The following NAT10 variants were observed in gnomAD, a reference collection of about 807,000 sequenced individuals.
The protein encoded by NAT10 is RNA cytidine acetyltransferase.
In NAT10, 109 loss-of-function variants were observed where a neutral mutation model predicts 132.2. The ratio of observed to expected loss-of-function variants is 0.82; its 90% CI spans 0.71 to 0.97. The LOEUF (loss-of-function observed/expected upper bound fraction) is 0.97. NAT10 is among the 50% of genes least tolerant of loss of function. The pLI, the probability that NAT10 is intolerant of heterozygous loss-of-function variation, is 0.00. For missense variants in NAT10, 1,184 were observed against 1,263.4 expected (o/e 0.94, Z 0.95); for synonymous variants, 479 against 478.0 (o/e 1.00, Z -0.03).
chr11:34,142,549 C>T lies in NAT10; in HGVS notation c.2885+201C>T, dbSNP rs115047853. 3.4e-3 allele frequency among the ~76,000 whole-genome samples: 519 copies of T among 152,244 alleles called. 8 individuals carry two copies. Among genetic ancestry groups the T allele is most frequent in the African/African-American group, 0.012 (495 of 41,538 alleles). ...AGAGTTGGGTTCCGGAGACTAGTGC[C>T]GCCACTTTGACTTACACATTGCACT... is the stretch of plus-strand genomic sequence containing the variant. On this transcript the variant is annotated intron_variant, in intron 27 of 28. Transcript: ENST00000257829.
At chr11:34,113,931 T>C in intron 5 of NAT10, 93 bp downstream of exon 5, 1 of 1,483,812 alleles carries the variant, frequency 6.7e-7, no homozygotes, top group Non-Finnish European at 9.2e-7. Context: ...GTTGGGCAGC[T>C]CCAGTGAGTA....
In NAT10 at chr11:34,123,912, G is replaced by C. The variant is rs377427091; in HGVS notation, c.1008+57G>C. On this transcript the variant is annotated intron_variant, in intron 10 of 28. Coordinates refer to ENST00000257829, the MANE Select transcript of NAT10 (RefSeq NM_024662.3). Reference sequence around the variant, plus strand: ...GGACCTGGTGTGGTGGCTCACGCCTGTAATCCCAGCACTTTGGGAGGCCGA... The same window carrying C: ...GGACCTGGTGTGGTGGCTCACGCCTCTAATCCCAGCACTTTGGGAGGCCGA... 17 of 1,392,210 alleles carry C rather than the reference G, an allele frequency of 1.2e-5. No individual in the cohort carries two copies. The Admixed American group carries it at 1.7e-4, about 14-fold the overall frequency. The allele number at this position is 1,392,210 out of a possible 1,614,324, so 86.2% of individuals were successfully genotyped here. A position where few individuals can be genotyped will look rare whatever the true frequency, so the allele number is the denominator to read the frequency against.
intron 6 of NAT10, among the ~76,000 whole-genome samples, chr11:34,117,694 AC>A (rs1851806087): frequency 6.6e-6 from 1 of 152,064 alleles, no homozygotes; most frequent in Non-Finnish European, 1.5e-5. Flanking sequence ...GCTTGCAAGA[AC>A]GTTTGTATTG....
At position 34,108,773 on chromosome 11, in the gene NAT10, C is replaced by G; in HGVS notation, c.140C>G (p.Ala47Gly). 1 of 1,613,684 alleles carries G rather than the reference C, an allele frequency of 6.2e-7. No homozygotes were observed. Among genetic ancestry groups the G allele is most frequent in the South Asian group, 1.1e-5 (1 of 90,972 alleles). Reference sequence around the variant, plus strand: ...ATACTTCATCACATGTTATCCAAAGCAACTGTGAAGGCTCGGCCTTCAGTG... The same window carrying G: ...ATACTTCATCACATGTTATCCAAAGGAACTGTGAAGGCTCGGCCTTCAGTG... ...VVILHHMLSK[A>G]TVKARPSVLW... Residue 47 changes from alanine to glycine, a missense_variant, in exon 3 of 29, where the codon GCA (alanine) becomes GGA (glycine). Physicochemically the swap from Ala to Gly is moderately conservative, Grantham distance 60. Coordinates refer to ENST00000257829, the MANE Select transcript of NAT10 (RefSeq NM_024662.3).
intron 28 of NAT10, among the ~76,000 whole-genome samples, chr11:34,145,469 CT>C (rs1469187218): frequency 7.9e-5 from 12 of 152,120 alleles, no homozygotes; most frequent in Non-Finnish European, 1.2e-4. Flanking sequence ...AAAATTTAAC[CT>C]GTAAGTTTCT....
intron 21 of NAT10, among the ~76,000 whole-genome samples, chr11:34,137,557 A>G (rs1267591880): frequency 1.3e-5 from 2 of 152,232 alleles, no homozygotes; most frequent in African/African-American, 4.8e-5. Context: ...AGCCATCAGC[A>G]TATTCATAAT....
Position 34,146,317 on chromosome 11 carries a change from G to A in NAT10, c.*125G>A, listed in dbSNP as rs1226470841. 6.1e-6 allele frequency: 4 copies of A among 656,208 alleles called. No individual in the cohort carries two copies. The highest frequency in any genetic ancestry group is 4.0e-5 in the South Asian group (2 of 50,254). The allele number at this position is 656,208 out of a possible 1,614,324, so 40.6% of individuals were successfully genotyped here. A position where few individuals can be genotyped will look rare whatever the true frequency, so the allele number is the denominator to read the frequency against. On this transcript the variant is annotated 3_prime_UTR_variant, in exon 29 of 29. Coordinates refer to ENST00000257829, the MANE Select transcript of NAT10 (RefSeq NM_024662.3). ...ACACCTGGAAGCTGGCCGCGAATTCGGCCTCTGGGCCTGTGTGTCTGTGAG... is the reference window on the plus strand; with the variant it reads ...ACACCTGGAAGCTGGCCGCGAATTCAGCCTCTGGGCCTGTGTGTCTGTGAG...
intron 3 of NAT10, among the ~76,000 whole-genome samples, 161 bp downstream of exon 3, chr11:34,108,994 G>A (rs1448157140): frequency 6.6e-6 from 1 of 152,180 alleles, no homozygotes; most frequent in East Asian, 1.9e-4. Context: ...CTGAAAATAA[G>A]TTTCAAATCA....
chr11:34,137,003 C>G lies in NAT10; in HGVS notation c.2188C>G (p.Pro730Ala). The stretch of plus-strand genomic sequence containing the variant: ...GTTCTGGAAACGAGCTGGATTTGTT[C>G]CTGTTTATCTGAGACAGACCCCGGT... ...LKFWKRAGFV[P>A]VYLRQTPNDL... Residue 730 changes from proline to alanine, a missense_variant, in exon 21 of 29, where the codon CCT becomes GCT. By Grantham distance (27) the Pro-to-Ala change is conservative. Transcript: ENST00000257829. 2 of 1,614,162 alleles carry G rather than the reference C, an allele frequency of 1.2e-6. No individual in the cohort carries two copies. Among genetic ancestry groups the G allele is most frequent in the South Asian group, 2.2e-5 (2 of 91,076 alleles).
At chr11:34,113,219 GA>G (rs1298076551) in intron 4 of NAT10, among the ~76,000 whole-genome samples, 1 of 152,190 alleles carries the variant, frequency 6.6e-6, no homozygotes, top group Non-Finnish European at 1.5e-5. Flanking sequence ...ATAAATGTCA[GA>G]AAATGTAAGA....
intron 3 of NAT10, among the ~76,000 whole-genome samples, chr11:34,110,137 A>G (rs1189177517): frequency 6.6e-6 from 1 of 152,004 alleles, no homozygotes; most frequent in Non-Finnish European, 1.5e-5. Context: ...TACTCAGACC[A>G]CCTTCCGGAG....
rs757873953 is a variant in NAT10, at chr11:34,143,456, G to A, written c.2897G>A (p.Arg966His). 3.3e-5 allele frequency: 53 copies of A among 1,613,478 alleles called. No individual in the cohort carries two copies. In the Admixed American group the frequency reaches 3.3e-4, roughly 10 times the overall value. ...CTTCTTTTTTTTAGATACATAATCC[G>A]TGGGGACGATGAAGAGTGGAATGAA... Reference protein sequence around the residue: ...KSMDLSEYIIRGDDEEWNEVL... With the variant: ...KSMDLSEYIIHGDDEEWNEVL... The change falls in exon 28 of 29, where the codon CGT becomes CAT. Residue 966 changes from arginine (R) to histidine (H), a missense_variant. Transcript: ENST00000257829.
chr11:34,114,439 A>G (rs561628864), intron 5 of NAT10, among the ~76,000 whole-genome samples: 1 of 152,200 alleles, frequency 6.6e-6, no homozygotes, highest in Non-Finnish European at 1.5e-5. Context: ...CCAGCAGCTC[A>G]GTAATGGTGG....
At position 34,136,553 on chromosome 11, in the gene NAT10, T is replaced by G. The variant is rs993936663; in HGVS notation, c.2029-89T>G. 2.6e-6 allele frequency: 4 copies of G among 1,518,042 alleles called. No individual in the cohort carries two copies. In the Admixed American group the frequency reaches 5.5e-5, roughly 21 times the overall value. The allele number at this position is 1,518,042 out of a possible 1,614,324, so 94.0% of individuals were successfully genotyped here. On this transcript the variant is annotated intron_variant, in intron 19 of 28. Coordinates refer to ENST00000257829, the MANE Select transcript of NAT10 (RefSeq NM_024662.3). ...AAACCTCTCCCAGTTTTTGTTGTGC[T>G]AAGTCCAGAGTGCGCTGCGGCAGGG...
intron 16 of NAT10, among the ~76,000 whole-genome samples, chr11:34,133,438 A>G (rs1852143274): frequency 6.6e-6 from 1 of 152,242 alleles, no homozygotes; most frequent in Non-Finnish European, 1.5e-5. Flanking sequence ...TTATTACAAA[A>G]GCAATACATG....
At chr11:34,137,427 C>CT (rs1852236948) in intron 21 of NAT10, among the ~76,000 whole-genome samples, 1 of 151,906 alleles carries the variant, frequency 6.6e-6, no homozygotes, top group South Asian at 2.1e-4. Flanking sequence ...AGTGGGAGTT[C>CT]TTTTTTGATG....
chr11:34,116,022 G>A, intron 6 of NAT10, 138 bp downstream of exon 6: 1 of 776,232 alleles, frequency 1.3e-6, no homozygotes, highest in Non-Finnish European at 2.0e-6. Flanking sequence ...CTTGACAGCA[G>A]CAGCAGTTGT....
chr11:34,136,584 G>A lies in NAT10; in HGVS notation c.2029-58G>A, dbSNP rs1852217016. ...CAGAGTGCGCTGCGGCAGGGTGCTTGACGATGTCTCTCTCCCTCTGCTGAA... is the reference window on the plus strand; with the variant it reads ...CAGAGTGCGCTGCGGCAGGGTGCTTAACGATGTCTCTCTCCCTCTGCTGAA... On this transcript the variant is annotated intron_variant, in intron 19 of 28. Transcript: ENST00000257829. 1.9e-6 allele frequency: 3 copies of A among 1,608,438 alleles called. No individual in the cohort carries two copies. The Admixed American group carries it at 5.0e-5, about 27-fold the overall frequency.
intron 9 of NAT10, 147 bp downstream of exon 9, chr11:34,122,739 T>G: frequency 8.8e-7 from 1 of 1,141,862 alleles, no homozygotes. Context: ...CTTGATTTCC[T>G]GCCAGGAAAC....
Sources: gnomAD v4.1 joint callset for allele counts (sites outside exome capture counted in the v4.1 genomes callset) on GRCh38, gnomAD v4.1.1 for gene constraint, MANE v1.5 for transcripts, NCBI Gene and HGNC (gene_info 2026-07-23, HGNC 2026-07-21) for gene names.